Variants in UBE2D3 observed in about 807,000 individuals in gnomAD.
UBE2D3 encodes ubiquitin conjugating enzyme E2 D3.
In UBE2D3, 2 loss-of-function variants were observed where a neutral mutation model predicts 22.8. The observed-to-expected ratio is 0.09, with a 90% CI of 0.04 to 0.28. The LOEUF (loss-of-function observed/expected upper bound fraction) is 0.28. Ranked by LOEUF, UBE2D3 falls within the 10% of genes least tolerant of loss-of-function variation. UBE2D3 has a pLI of 1.00. For missense variants in UBE2D3, 27 were observed against 182.5 expected (o/e 0.15, Z 4.91); for synonymous variants, 56 against 60.4 (o/e 0.93, Z 0.34).
chr4:102,833,279 C>T (rs1397021593), intron 1 of UBE2D3, among the ~76,000 whole-genome samples: 1 of 152,108 alleles, frequency 6.6e-6, no homozygotes, highest in Non-Finnish European at 1.5e-5. Flanking sequence ...TACCACTTTA[C>T]TAGAACCTTT....
intron 2 of UBE2D3, among the ~76,000 whole-genome samples, chr4:102,814,777 C>T (rs375712383): frequency 6.6e-5 from 10 of 152,194 alleles, no homozygotes; most frequent in African/African-American, 2.4e-4. Context: ...TCATCTGTTA[C>T]TGAACAAAAG....
In UBE2D3 at chr4:102,801,556, C is replaced by A; in HGVS notation, c.202G>T (p.Ala68Ser). 6.3e-7 allele frequency: 1 copy of A among 1,588,252 alleles called. No individual in the cohort carries two copies. The highest frequency in any genetic ancestry group is 8.6e-7 in the Non-Finnish European group (1 of 1,167,796). The change falls in exon 6 of 8, where the codon GCA becomes TCA. Residue 68 changes from alanine to serine, a missense_variant. Transcript: ENST00000453744. ...TDYPFKPPKV[A>S]FTTRIYHPNI... ...GGATGATAAATTCTTGTTGTAAATGCAACCTAAAACAAAAACTTTTAAGTA... is the reference window on the plus strand; with the variant it reads ...GGATGATAAATTCTTGTTGTAAATGAAACCTAAAACAAAAACTTTTAAGTA...
At chr4:102,827,584 C>CCTCCTG, upstream of UBE2D3, 1 of 985,258 alleles carries the variant, frequency 1.0e-6, no homozygotes. Context: ...CCCTCCCCCT[C>CCTCCTG]CTCCTGCCTC....
intron 1 of UBE2D3, among the ~76,000 whole-genome samples, chr4:102,849,356 C>A (rs1267975702): frequency 7.1e-6 from 1 of 140,960 alleles, no homozygotes; most frequent in Non-Finnish European, 1.5e-5. Flanking sequence ...AGAGTGAGAC[C>A]CCTGTCTCAA....
At chr4:102,816,833 G>A (rs1388554117) in intron 2 of UBE2D3, among the ~76,000 whole-genome samples, 1 of 152,016 alleles carries the variant, frequency 6.6e-6, no homozygotes, top group African/African-American at 2.4e-5. Flanking sequence ...TGCCTTTTTG[G>A]TGCCATGCAT....
At chr4:102,865,231 C>T (rs1054096633) in intron 1 of UBE2D3, among the ~76,000 whole-genome samples, 10 of 152,214 alleles carry the variant, frequency 6.6e-5, no homozygotes, top group South Asian at 4.1e-4. Context: ...CGGTGGCTCA[C>T]GCCTGTAATC....
chr4:102,822,634 T>G (rs1035939776), intron 2 of UBE2D3, among the ~76,000 whole-genome samples: 1 of 152,162 alleles, frequency 6.6e-6, no homozygotes, highest in Non-Finnish European at 1.5e-5. Flanking sequence ...ACATACATTA[T>G]AAAACAGGAA....
chr4:102,856,726 A>C (rs1375870091), intron 1 of UBE2D3, among the ~76,000 whole-genome samples: 2 of 152,200 alleles, frequency 1.3e-5, no homozygotes, highest in Non-Finnish European at 2.9e-5. Flanking sequence ...AATCAAATAC[A>C]TGTAATTTTT....
Position 102,826,619 on chromosome 4 carries a change from T to C in UBE2D3, c.-111A>G. ...CAGGATTGTCTCGTCTCACACCAGC[T>C]CTGCCAGACACAGGCGCCTTTTGCA... On this transcript the variant is annotated 5_prime_UTR_variant, in exon 2 of 8. Coordinates refer to ENST00000453744, the MANE Select transcript of UBE2D3 (RefSeq NM_181891.3). 1 of 1,588,492 alleles carries C rather than the reference T, an allele frequency of 6.3e-7. No individual in the cohort carries two copies. Among genetic ancestry groups the C allele is most frequent in the Non-Finnish European group, 8.5e-7 (1 of 1,174,268 alleles).
chr4:102,819,722 A>AT, intron 2 of UBE2D3: 1 of 402,688 alleles, frequency 2.5e-6, no homozygotes, highest in Non-Finnish European at 3.4e-6. Flanking sequence ...TCCACAAATC[A>AT]TTTGTTATCC....
chr4:102,862,405 G>GT (rs1183128242), intron 1 of UBE2D3, among the ~76,000 whole-genome samples: 1 of 151,904 alleles, frequency 6.6e-6, no homozygotes, highest in African/African-American at 2.4e-5. Context: ...ATAGTCCACT[G>GT]TAAGTATCCT....
chr4:102,849,214 A>AAT, intron 1 of UBE2D3, among the ~76,000 whole-genome samples: 1 of 151,154 alleles, frequency 6.6e-6, no homozygotes, highest in South Asian at 2.1e-4. Flanking sequence ...CAAAAAAAAA[A>AAT]CTAGCTGGGT....
intron 4 of UBE2D3, among the ~76,000 whole-genome samples, chr4:102,804,833 G>T (rs1212431151): frequency 6.6e-6 from 1 of 151,970 alleles, no homozygotes; most frequent in Non-Finnish European, 1.5e-5. Context: ...AACCACCACA[G>T]TTGGCTAATT....
chr4:102,827,559 G>A (rs1027474900), upstream of UBE2D3: 50 of 986,738 alleles, frequency 5.1e-5, no homozygotes, highest in Non-Finnish European at 5.7e-5. Flanking sequence ...ACTACTGCCA[G>A]CTGCCACGCT....
Position 102,795,510 on chromosome 4 carries a change from C to T in UBE2D3, c.*1905G>A, listed in dbSNP as rs568754020. 4.3e-4 allele frequency: 66 copies of T among 152,124 alleles called. No individual in the cohort carries two copies. Among genetic ancestry groups the T allele is most frequent in the Middle Eastern group, 3.4e-3 (1 of 294 alleles). 9.4% of individuals were successfully genotyped at this position (152,124 alleles called of 1,614,324 possible). ...CAGTATGACATCTACCCTGAAGGAG[C>T]CGTTTTAAGCAAAACACAAAATGAA... On this transcript the variant is annotated 3_prime_UTR_variant, in exon 8 of 8. Coordinates refer to ENST00000453744, the MANE Select transcript of UBE2D3 (RefSeq NM_181891.3).
intron 1 of UBE2D3, among the ~76,000 whole-genome samples, chr4:102,845,515 C>T (rs1045768048): frequency 1.3e-5 from 2 of 152,124 alleles, no homozygotes; most frequent in Non-Finnish European, 2.9e-5. Flanking sequence ...TTGCATTGCC[C>T]CTTTCGTCAA....
At chr4:102,803,958 T>C (rs1419747028) in intron 4 of UBE2D3, among the ~76,000 whole-genome samples, 1 of 152,002 alleles carries the variant, frequency 6.6e-6, no homozygotes, top group Admixed American at 6.6e-5. Context: ...TAGTAGAGAC[T>C]GAGTTTCACC....
chr4:102,801,371 TAATAAA>T, intron 6 of UBE2D3, 77 bp downstream of exon 6: 1 of 1,213,352 alleles, frequency 8.2e-7, no homozygotes, highest in Non-Finnish European at 1.2e-6. Context: ...AAAGCTGCCA[TAATAAA>T]AATACTCAGA....
At chr4:102,802,825 AC>A (rs1726414055) in intron 4 of UBE2D3, 187 bp from the exon 5 acceptor site, 1 of 394,490 alleles carries the variant, frequency 2.5e-6, no homozygotes. Context: ...ACAGTAATAA[AC>A]CCTAATTTAT....
Sources: gnomAD v4.1 joint callset for allele counts (sites outside exome capture counted in the v4.1 genomes callset) on GRCh38, gnomAD v4.1.1 for gene constraint, MANE v1.5 for transcripts, NCBI Gene and HGNC (gene_info 2026-07-23, HGNC 2026-07-21) for gene names.